The following PCED1B variants were observed in gnomAD, a reference collection of about 807,000 sequenced individuals.
PCED1B encodes the protein PC-esterase domain-containing protein 1B.
For missense variants in PCED1B, 573 were observed against 573.9 expected, an observed-to-expected ratio of 1.00 and a Z score of 0.02; for synonymous variants, 251 against 246.1, an observed-to-expected ratio of 1.02 and a Z score of -0.19.
chr12:47,190,579 C>T (rs1942411485), intron 2 of PCED1B, among the ~76,000 whole-genome samples: 2 of 152,208 alleles, frequency 1.3e-5, no homozygotes, highest in Non-Finnish European at 2.9e-5. Flanking sequence ...ATCTGGGATA[C>T]CTGTGACTCA....
At chr12:47,150,094 A>G (rs1208652293) in intron 2 of PCED1B, among the ~76,000 whole-genome samples, 2 of 152,196 alleles carry the variant, frequency 1.3e-5, no homozygotes, top group African/African-American at 4.8e-5. Flanking sequence ...TACATCTTAA[A>G]TGTGTACTAT....
chr12:47,102,968 C>T (rs1177521527), intron 1 of PCED1B, among the ~76,000 whole-genome samples: 1 of 151,994 alleles, frequency 6.6e-6, no homozygotes, highest in Non-Finnish European at 1.5e-5. Context: ...TTTTAAAACC[C>T]CAATAACGTT....
rs181804685 is a variant in PCED1B, at chr12:47,123,052, A to T, written c.-526+18857A>T. Among the ~76,000 whole-genome samples the T allele has an allele frequency of 2.0e-3, 302 of 152,326 alleles. 1 individual carries two copies. Among genetic ancestry groups the T allele is most frequent in the African/African-American group, 6.9e-3 (289 of 41,590 alleles). On this transcript the variant is annotated intron_variant, in intron 2 of 3. Transcript: ENST00000546455. ...TAAGCCTTTTAGGTTAGAACGAAGA[A>T]TTATTTGTCATCTGCCTTATGTAGA...
intron 1 of PCED1B, among the ~76,000 whole-genome samples, chr12:47,098,772 G>A (rs1378808091): frequency 6.6e-6 from 1 of 152,148 alleles, no homozygotes; most frequent in Non-Finnish European, 1.5e-5. Context: ...GTGAGCCACC[G>A]CGCCTGGCCA....
intron 2 of PCED1B, among the ~76,000 whole-genome samples, chr12:47,169,353 C>T (rs1465640814): frequency 6.6e-6 from 1 of 152,100 alleles, no homozygotes; most frequent in Non-Finnish European, 1.5e-5. Context: ...AGGAAGGTAC[C>T]TCTCATGTGA....
chr12:47,085,942 CCT>C (rs148575274), intron 1 of PCED1B, among the ~76,000 whole-genome samples: 2,502 of 152,242 alleles, frequency 0.016, 62 homozygotes, highest in African/African-American at 0.057. Flanking sequence ...TCAGACCTCC[CCT>C]GTTTGAGGCA....
chr12:47,197,072 C>G (rs1016370720), intron 2 of PCED1B, among the ~76,000 whole-genome samples: 7 of 149,964 alleles, frequency 4.7e-5, no homozygotes, highest in African/African-American at 1.7e-4. Context: ...AACCCCATCT[C>G]TACTAAAAAT....
At chr12:47,188,378 C>A (rs1942341570) in intron 2 of PCED1B, among the ~76,000 whole-genome samples, 1 of 152,152 alleles carries the variant, frequency 6.6e-6, no homozygotes, top group Non-Finnish European at 1.5e-5. Flanking sequence ...GTGTTAGCTG[C>A]AAATCTTCCT....
At chr12:47,166,511 C>T (rs1282713761) in intron 2 of PCED1B, among the ~76,000 whole-genome samples, 7 of 152,180 alleles carry the variant, frequency 4.6e-5, no homozygotes, top group Non-Finnish European at 1.0e-4. Context: ...ACCTGAGAAA[C>T]ATGTCAATAG....
intron 2 of PCED1B, among the ~76,000 whole-genome samples, chr12:47,169,884 G>T (rs1592231330): frequency 3.0e-5 from 4 of 134,048 alleles, no homozygotes; most frequent in African/African-American, 1.1e-4. Flanking sequence ...TTTTATCATT[G>T]TATATTACTC....
intron 2 of PCED1B, among the ~76,000 whole-genome samples, chr12:47,212,347 G>A (rs187539375): frequency 1.3e-5 from 2 of 152,240 alleles, no homozygotes. Context: ...TTAAAGGTAA[G>A]GGACATTGCT....
At chr12:47,194,982 A>G (rs1942556310) in intron 2 of PCED1B, among the ~76,000 whole-genome samples, 1 of 147,376 alleles carries the variant, frequency 6.8e-6, no homozygotes, top group African/African-American at 2.7e-5. Flanking sequence ...GTGTTCTTGT[A>G]TGAGAGGGGG....
chr12:47,174,086 C>G (rs1237161852), intron 2 of PCED1B, among the ~76,000 whole-genome samples: 1 of 151,762 alleles, frequency 6.6e-6, no homozygotes, highest in Non-Finnish European at 1.5e-5. Flanking sequence ...TTGAGATCAG[C>G]CTGGGAAACA....
chr12:47,170,882 G>T (rs1941707242), intron 2 of PCED1B, among the ~76,000 whole-genome samples: 1 of 151,378 alleles, frequency 6.6e-6, no homozygotes, highest in South Asian at 2.1e-4. Context: ...ATTTGTTCAG[G>T]TTGCTCTACA....
At chr12:47,131,108 A>G (rs916529408) in intron 2 of PCED1B, among the ~76,000 whole-genome samples, 1 of 152,210 alleles carries the variant, frequency 6.6e-6, no homozygotes, top group African/African-American at 2.4e-5. Context: ...TTTATAATTG[A>G]GAAAACATAT....
At chr12:47,171,413 T>C (rs1161059531) in intron 2 of PCED1B, among the ~76,000 whole-genome samples, 2 of 152,202 alleles carry the variant, frequency 1.3e-5, no homozygotes, top group African/African-American at 4.8e-5. Context: ...CTTAATACTT[T>C]GGGTTCTAAG....
At chr12:47,128,786 A>G (rs1019434221) in intron 2 of PCED1B, among the ~76,000 whole-genome samples, 1 of 152,274 alleles carries the variant, frequency 6.6e-6, no homozygotes, top group Non-Finnish European at 1.5e-5. Flanking sequence ...CTGGCTTTAC[A>G]TGATATCTTC....
chr12:47,164,033 C>T (rs531233549), intron 2 of PCED1B, among the ~76,000 whole-genome samples: 198 of 152,216 alleles, frequency 1.3e-3, no homozygotes, highest in Non-Finnish European at 2.3e-3. Context: ...GGGATTAATC[C>T]TTGTGACCCA....
intron 1 of PCED1B, among the ~76,000 whole-genome samples, chr12:47,091,004 C>T (rs1938242346): frequency 3.3e-5 from 5 of 152,034 alleles, no homozygotes; most frequent in Admixed American, 3.3e-4. Context: ...CAAATTCCCC[C>T]CGATTCTAAT....
Sources: gnomAD v4.1 joint callset for allele counts (sites outside exome capture counted in the v4.1 genomes callset) on GRCh38, gnomAD v4.1.1 for gene constraint, MANE v1.5 for transcripts, NCBI Gene and HGNC (gene_info 2026-07-23, HGNC 2026-07-21) for gene names.